The following SLC14A2 variants were observed in gnomAD, a reference collection of about 807,000 sequenced individuals.
SLC14A2 encodes the protein urea transporter 2.
In SLC14A2, 91 loss-of-function variants were observed where a neutral mutation model predicts 104.6. The observed-to-expected ratio is 0.87, with a 90% CI of 0.73 to 1.04. SLC14A2 has a LOEUF of 1.04. SLC14A2 is among the 50% of genes least tolerant of loss of function. The probability of loss-of-function intolerance (pLI) is 0.00; values close to 1 mark genes in which losing one functional copy is unlikely to be tolerated. For missense variants in SLC14A2, 1,189 were observed against 1,156.0 expected (o/e 1.03, Z -0.41); for synonymous variants, 476 against 466.4 (o/e 1.02, Z -0.27).
At chr18:45,667,203 A>T in intron 13 of SLC14A2, 109 bp downstream of exon 13, 1 of 787,274 alleles carries the variant, frequency 1.3e-6, no homozygotes, top group Non-Finnish European at 2.0e-6. Flanking sequence ...CTTAGACTAG[A>T]CTGCACTCTG....
intron 2 of SLC14A2, among the ~76,000 whole-genome samples, chr18:45,518,450 G>A (rs1007098938): frequency 2.0e-5 from 3 of 152,210 alleles, no homozygotes. Flanking sequence ...CAACTGTCAA[G>A]TACAGCATAG....
At chr18:45,579,900 CAA>C (rs1390490434) in intron 2 of SLC14A2, among the ~76,000 whole-genome samples, 1 of 151,994 alleles carries the variant, frequency 6.6e-6, no homozygotes, top group Non-Finnish European at 1.5e-5. Flanking sequence ...GTGAACCATG[CAA>C]AGAGTTAAGA....
intron 1 of SLC14A2, among the ~76,000 whole-genome samples, chr18:45,332,128 C>T (rs2085296564): frequency 6.6e-6 from 1 of 152,190 alleles, no homozygotes. Context: ...TTCCAATCAA[C>T]TAATGTGGTG....
At chr18:45,571,696 T>C (rs908872761) in intron 2 of SLC14A2, among the ~76,000 whole-genome samples, 1 of 152,220 alleles carries the variant, frequency 6.6e-6, no homozygotes, top group African/African-American at 2.4e-5. Context: ...TCTGGGTCCA[T>C]ATTTTTTTAT....
At chr18:45,318,514 G>A (rs1015013339) in intron 1 of SLC14A2, among the ~76,000 whole-genome samples, 3 of 152,088 alleles carry the variant, frequency 2.0e-5, no homozygotes, top group Admixed American at 6.5e-5. Flanking sequence ...TGGGTGAGGC[G>A]CGGTGACTCA....
intron 1 of SLC14A2, among the ~76,000 whole-genome samples, chr18:45,326,003 C>T (rs1460555856): frequency 1.3e-5 from 2 of 152,188 alleles, no homozygotes; most frequent in Non-Finnish European, 2.9e-5. Context: ...TCAGGCTGAT[C>T]ATTCAAGCAG....
intron 1 of SLC14A2, among the ~76,000 whole-genome samples, chr18:45,413,204 A>T (rs1223023688): frequency 6.6e-6 from 1 of 152,150 alleles, no homozygotes; most frequent in Admixed American, 6.5e-5. Context: ...CTATCATGTT[A>T]TCTACAGATC....
intron 2 of SLC14A2, among the ~76,000 whole-genome samples, chr18:45,545,202 C>T (rs2043951590): frequency 6.6e-6 from 1 of 152,190 alleles, no homozygotes; most frequent in Non-Finnish European, 1.5e-5. Context: ...ATAGCATTAG[C>T]CTGCCCAGTG....
chr18:45,289,406 ATCCCTT>A lies in SLC14A2; in HGVS notation c.-125+76216_-125+76221del, dbSNP rs570379518. On this transcript the variant is annotated intron_variant, in intron 1 of 20. Coordinates refer to the SLC14A2 transcript ENST00000586448. The stretch of plus-strand genomic sequence containing the variant: ...CCCTTGAGGCTGGAATTTAATGAAA[ATCCCTT>A]AATTAAATCTTCTGGGGATTTCCAT... Among the ~76,000 whole-genome samples, 421 of 152,112 alleles carry A rather than the reference ATCCCTT, an allele frequency of 2.8e-3. 2 individuals are homozygous for A. Among genetic ancestry groups the A allele is most frequent in the African/African-American group, 9.0e-3 (375 of 41,498 alleles).
intron 1 of SLC14A2, chr18:45,482,654 A>G (rs2087517205): frequency 6.6e-6 from 1 of 152,260 alleles, no homozygotes; most frequent in South Asian, 2.1e-4. Context: ...CCATGGCAGA[A>G]AGCAAGCCAG....
intron 1 of SLC14A2, among the ~76,000 whole-genome samples, chr18:45,233,619 A>T (rs1272499449): frequency 6.6e-6 from 1 of 152,210 alleles, no homozygotes; most frequent in Non-Finnish European, 1.5e-5. Context: ...AGTGCTTAAC[A>T]TCCTCATTAA....
chr18:45,666,041 TA>T, intron 11 of SLC14A2, 95 bp from the exon 12 acceptor site: 1 of 836,908 alleles, frequency 1.2e-6, no homozygotes, highest in Non-Finnish European at 2.1e-6. Context: ...AAATACTGCA[TA>T]ATCTTAACAC....
chr18:45,312,230 C>G (rs1457645939), intron 1 of SLC14A2, among the ~76,000 whole-genome samples: 1 of 152,128 alleles, frequency 6.6e-6, no homozygotes, highest in Non-Finnish European at 1.5e-5. Context: ...TCTCACAATA[C>G]ATTATCAATA....
chr18:45,632,564 C>A, intron 5 of SLC14A2, 86 bp downstream of exon 5: 2 of 1,456,754 alleles, frequency 1.4e-6, no homozygotes, highest in Non-Finnish European at 1.9e-6. Context: ...AGGACATACA[C>A]ATGTGGGACC....
At chr18:45,341,010 C>T (rs2085388151) in intron 1 of SLC14A2, among the ~76,000 whole-genome samples, 1 of 152,206 alleles carries the variant, frequency 6.6e-6, no homozygotes, top group Non-Finnish European at 1.5e-5. Context: ...CTGAGCCATC[C>T]TCCTGTCATC....
chr18:45,443,767 G>A (rs955680914), intron 1 of SLC14A2, among the ~76,000 whole-genome samples: 10 of 151,994 alleles, frequency 6.6e-5, no homozygotes, highest in African/African-American at 2.4e-4. Flanking sequence ...TTTGTTTTGG[G>A]GTATGTTTTT....
intron 1 of SLC14A2, among the ~76,000 whole-genome samples, chr18:45,468,842 T>G (rs1269999105): frequency 6.6e-6 from 1 of 152,228 alleles, no homozygotes; most frequent in African/African-American, 2.4e-5. Flanking sequence ...ACCTACTATA[T>G]TCTCGACCCC....
chr18:45,657,518 A>AAAAG (rs2045859287), intron 10 of SLC14A2, among the ~76,000 whole-genome samples: 1 of 123,584 alleles, frequency 8.1e-6, no homozygotes, highest in Non-Finnish European at 1.9e-5. Flanking sequence ...GGAAAGAAAG[A>AAAAG]AAAGGAAGGA....
At chr18:45,371,923 A>C (rs1213690362) in intron 1 of SLC14A2, among the ~76,000 whole-genome samples, 1 of 152,206 alleles carries the variant, frequency 6.6e-6, no homozygotes, top group Admixed American at 6.5e-5. Context: ...TGCAGAGTTA[A>C]GTGTTCTTGA....
Sources: gnomAD v4.1 joint callset for allele counts (sites outside exome capture counted in the v4.1 genomes callset) on GRCh38, gnomAD v4.1.1 for gene constraint, MANE v1.5 for transcripts, NCBI Gene and HGNC (gene_info 2026-07-23, HGNC 2026-07-21) for gene names.